PRKN: variants seen among roughly 807,000 people sequenced by gnomAD.
The protein encoded by PRKN is E3 ubiquitin-protein ligase parkin.
PRKN carries 56 observed loss-of-function variants against 59.5 expected under a neutral mutation model. That is an observed-to-expected ratio of 0.94 (90% CI 0.76 to 1.18). PRKN has a LOEUF of 1.18. PRKN is among the 50% of genes most tolerant of loss of function. PRKN has a pLI of 0.00. For missense variants in PRKN, 657 were observed against 596.4 expected, an observed-to-expected ratio of 1.10 and a Z score of -1.06; for synonymous variants, 250 against 222.1, an observed-to-expected ratio of 1.13 and a Z score of -1.12.
intron 2 of PRKN, chr6:162,266,528 T>G (rs1301255147): frequency 6.6e-6 from 1 of 152,024 alleles, no homozygotes; most frequent in African/African-American, 2.4e-5. Flanking sequence ...AGTGAATGAA[T>G]CAATGAATAT....
At chr6:162,718,564 T>A (rs1431119477) in intron 1 of PRKN, among the ~76,000 whole-genome samples, 5 of 151,952 alleles carry the variant, frequency 3.3e-5, no homozygotes, top group African/African-American at 1.2e-4. Flanking sequence ...ACAAAAAAAA[T>A]TAGCTGGGCA....
At chr6:162,134,640 C>G (rs556475387) in intron 4 of PRKN, among the ~76,000 whole-genome samples, 1 of 152,202 alleles carries the variant, frequency 6.6e-6, no homozygotes, top group Non-Finnish European at 1.5e-5. Context: ...GGCTTTGAAG[C>G]AAAGAGTGAG....
chr6:162,339,400 C>A (rs1784046841), intron 2 of PRKN, among the ~76,000 whole-genome samples: 1 of 148,288 alleles, frequency 6.7e-6, no homozygotes, highest in South Asian at 2.1e-4. Context: ...GGGGGTCAGC[C>A]CCCCGCCCGG....
intron 7 of PRKN, among the ~76,000 whole-genome samples, chr6:161,780,071 T>C (rs907238433): frequency 2.0e-5 from 3 of 152,220 alleles, no homozygotes; most frequent in Admixed American, 6.5e-5. Context: ...GTCTTCAGCA[T>C]GTACCCTAAA....
intron 6 of PRKN, among the ~76,000 whole-genome samples, chr6:161,817,268 GA>G (rs1562314592): frequency 6.6e-6 from 1 of 152,176 alleles, no homozygotes; most frequent in Non-Finnish European, 1.5e-5. Context: ...ATCCTGTCTC[GA>G]TTTTAAGAGG....
At chr6:161,631,158 G>A (rs981594991) in intron 7 of PRKN, among the ~76,000 whole-genome samples, 1 of 152,202 alleles carries the variant, frequency 6.6e-6, no homozygotes, top group African/African-American at 2.4e-5. Flanking sequence ...TGCCGTAGCA[G>A]ACAGGAGTGC....
intron 7 of PRKN, among the ~76,000 whole-genome samples, chr6:161,676,943 A>C (rs1785109524): frequency 6.6e-6 from 1 of 152,240 alleles, no homozygotes; most frequent in African/African-American, 2.4e-5. Flanking sequence ...CAATGATGCT[A>C]GAGTAATCTG....
rs779109414 is a variant in PRKN, at chr6:161,845,219, T to C, written c.735-59311A>G. 4.7e-4 allele frequency among the ~76,000 whole-genome samples: 72 copies of C among 152,290 alleles called. 1 individual carries two copies. The highest frequency in any genetic ancestry group is 6.8e-3 in the Middle Eastern group (2 of 294). On this transcript the variant is annotated intron_variant, in intron 6 of 11. Transcript: ENST00000366898. Reference sequence around the variant, plus strand: ...ATTCTCTGAGACCCTGGGCCACCAGTAGATGCCCAGGACAGCAAGAGCCCC... The same window carrying C: ...ATTCTCTGAGACCCTGGGCCACCAGCAGATGCCCAGGACAGCAAGAGCCCC...
At chr6:162,357,716 A>G (rs1784934063) in intron 2 of PRKN, among the ~76,000 whole-genome samples, 1 of 152,224 alleles carries the variant, frequency 6.6e-6, no homozygotes, top group Non-Finnish European at 1.5e-5. Flanking sequence ...TATCCTTACA[A>G]TAGAATATTA....
chr6:162,104,629 C>T (rs1780113972), intron 4 of PRKN, among the ~76,000 whole-genome samples: 1 of 152,120 alleles, frequency 6.6e-6, no homozygotes, highest in Admixed American at 6.6e-5. Context: ...GAAATGCAGC[C>T]TGCATCAGCA....
At chr6:161,477,933 A>T (rs1485523843) in intron 9 of PRKN, among the ~76,000 whole-genome samples, 1 of 152,214 alleles carries the variant, frequency 6.6e-6, no homozygotes. Context: ...CGGCATGAAA[A>T]GTGGCTTTAA....
intron 6 of PRKN, among the ~76,000 whole-genome samples, chr6:161,874,234 ATATAT>A (rs1446776071): frequency 0.1 from 2,318 of 22,768 alleles, 353 homozygotes; most frequent in South Asian, 0.14. Flanking sequence ...ATTATATATA[ATATAT>A]AATATATAAT....
At chr6:162,574,597 T>C (rs1208735635) in intron 1 of PRKN, among the ~76,000 whole-genome samples, 2 of 152,190 alleles carry the variant, frequency 1.3e-5, no homozygotes, top group Admixed American at 6.5e-5. Context: ...TGTAGTTTTA[T>C]TTCTGAAGGC....
chr6:162,577,319 G>A (rs1780600309), intron 1 of PRKN, among the ~76,000 whole-genome samples: 1 of 152,162 alleles, frequency 6.6e-6, no homozygotes, highest in African/African-American at 2.4e-5. Flanking sequence ...GCAAAAATGG[G>A]CCAGGCACGG....
Position 161,360,253 on chromosome 6 carries a change from G to A in PRKN, c.1168-48C>T, listed in dbSNP as rs535800490. 7.1e-7 allele frequency: 1 copy of A among 1,411,804 alleles called. No individual in the cohort carries two copies. The highest frequency in any genetic ancestry group is 1.1e-5 in the South Asian group (1 of 87,174). 87.5% of individuals were successfully genotyped at this position (1,411,804 alleles called of 1,614,324 possible). On this transcript the variant is annotated intron_variant, in intron 10 of 11. Coordinates refer to ENST00000366898, the MANE Select transcript of PRKN (RefSeq NM_004562.3). The surrounding 1 kb of genome is among the most constrained non-coding windows in gnomAD (Gnocchi z 5.1). ...CGTTTAATCTCAGCTTTCTATTACT[G>A]GGATCAGAGTTTATGTTCCCTGTAC...
intron 6 of PRKN, among the ~76,000 whole-genome samples, chr6:161,859,330 C>T (rs1282363387): frequency 5.3e-5 from 8 of 151,832 alleles, no homozygotes; most frequent in Non-Finnish European, 7.4e-5. Context: ...GCAGGCCAGA[C>T]GCGGTGACTG....
intron 5 of PRKN, among the ~76,000 whole-genome samples, chr6:161,988,747 G>T (rs979790355): frequency 2.6e-5 from 4 of 151,972 alleles, no homozygotes; most frequent in Non-Finnish European, 5.9e-5. Flanking sequence ...CAGAGAAGCG[G>T]AACCCAAAAA....
At chr6:161,639,340 A>G (rs1011489038) in intron 7 of PRKN, among the ~76,000 whole-genome samples, 1 of 152,146 alleles carries the variant, frequency 6.6e-6, no homozygotes, top group Non-Finnish European at 1.5e-5. Flanking sequence ...AGGATCGAGT[A>G]CGTTCACATC....
chr6:162,592,137 T>C (rs534830092), intron 1 of PRKN, among the ~76,000 whole-genome samples: 1 of 152,246 alleles, frequency 6.6e-6, no homozygotes, highest in East Asian at 1.9e-4. Flanking sequence ...ATAGCTGGGA[T>C]TACAGACACT....
Sources: allele counts gnomAD v4.1 joint callset (sites outside exome capture counted in the v4.1 genomes callset), GRCh38; gene constraint gnomAD v4.1.1; non-coding constraint Gnocchi (gnomAD v3.1); transcripts MANE v1.5; gene names NCBI Gene and HGNC (gene_info 2026-07-23, HGNC 2026-07-21).